CNTNAP2: variants seen among roughly 807,000 people sequenced by gnomAD.
CNTNAP2 encodes contactin associated protein 2.
Under a neutral mutation model 155.2 loss-of-function variants are expected in CNTNAP2, and 98 were observed. That is an observed-to-expected ratio of 0.63 (90% CI 0.54 to 0.75). CNTNAP2 has a LOEUF of 0.75. CNTNAP2 is among the 30% of genes least tolerant of loss of function. The pLI, the probability that CNTNAP2 is intolerant of heterozygous loss-of-function variation, is 0.00. For missense variants in CNTNAP2, 1,727 were observed against 1,688.1 expected (o/e 1.02, Z -0.40); for synonymous variants, 651 against 631.2 (o/e 1.03, Z -0.47).
chr7:148,261,379 C>T (rs749973990), intron 20 of CNTNAP2, among the ~76,000 whole-genome samples: 14 of 152,150 alleles, frequency 9.2e-5, no homozygotes, highest in Non-Finnish European at 1.9e-4. Flanking sequence ...AGGCTGGTCT[C>T]GAACTCCTGA....
chr7:147,911,455 AT>A (rs1201258863), intron 14 of CNTNAP2, among the ~76,000 whole-genome samples: 1 of 152,186 alleles, frequency 6.6e-6, no homozygotes, highest in Non-Finnish European at 1.5e-5. Flanking sequence ...TTCTGGAACC[AT>A]TTGGTCTTTT....
At chr7:147,308,038 T>C (rs989163846) in intron 9 of CNTNAP2, among the ~76,000 whole-genome samples, 1 of 152,144 alleles carries the variant, frequency 6.6e-6, no homozygotes, top group African/African-American at 2.4e-5. Context: ...GGACAGGAAG[T>C]TCTTGGGAGG....
rs556491044 is a variant in CNTNAP2 at position 147,482,837 on chromosome 7, G to A, written c.1671-3098G>A. Among the ~76,000 whole-genome samples the A allele has an allele frequency of 1.4e-3, 214 of 152,150 alleles. 2 individuals carry two copies. The highest frequency in any genetic ancestry group is 4.7e-3 in the African/African-American group (197 of 41,518). ...GAGGTGGGTGAATCACTTGAGGTCC[G>A]GAGTTCGGCACCAGCCTGACCAACA... is the stretch of plus-strand genomic sequence containing the variant. On this transcript the variant is annotated intron_variant, in intron 10 of 23. Coordinates refer to ENST00000361727, the MANE Select transcript of CNTNAP2 (RefSeq NM_014141.6).
intron 11 of CNTNAP2, among the ~76,000 whole-genome samples, chr7:147,505,116 T>C (rs1222513612): frequency 6.6e-6 from 1 of 152,108 alleles, no homozygotes; most frequent in African/African-American, 2.4e-5. Flanking sequence ...GCTGCAAAGC[T>C]CACTCCGGGC....
chr7:147,841,859 T>C (rs1428644304), intron 13 of CNTNAP2, among the ~76,000 whole-genome samples: 1 of 152,146 alleles, frequency 6.6e-6, no homozygotes, highest in Non-Finnish European at 1.5e-5. Flanking sequence ...AAAAATGAAA[T>C]TCCTACTAAT....
intron 9 of CNTNAP2, among the ~76,000 whole-genome samples, chr7:147,354,392 A>T (rs560889685): frequency 1.3e-5 from 2 of 152,152 alleles, no homozygotes; most frequent in Admixed American, 6.5e-5. Context: ...TTAAATAGGG[A>T]ATCCTTTCCC....
chr7:147,546,287 C>T (rs1799729252), intron 11 of CNTNAP2, among the ~76,000 whole-genome samples: 1 of 151,898 alleles, frequency 6.6e-6, no homozygotes, highest in Non-Finnish European at 1.5e-5. Context: ...TTTATGTACA[C>T]ATTATCATGT....
rs1244186584 is a variant in CNTNAP2, at chr7:146,697,002, T to G, written c.98-77269T>G. Among the ~76,000 whole-genome samples, 6 of 152,170 alleles carry G rather than the reference T, an allele frequency of 3.9e-5. No individual in the cohort carries two copies. In the East Asian group the frequency reaches 1.2e-3, roughly 29 times the overall value. ...TATTTTGTGTTGTCAGATGGTGTAA[T>G]TAAAACCAGTTAATTGTTGGTGCTG... On this transcript the variant is annotated intron_variant, in intron 1 of 23. Transcript: ENST00000361727.
intron 3 of CNTNAP2, among the ~76,000 whole-genome samples, chr7:146,992,525 C>T (rs1798227738): frequency 6.6e-6 from 1 of 151,464 alleles, no homozygotes; most frequent in Admixed American, 6.6e-5. Context: ...AGGTTTCCTG[C>T]CTCATAGATT....
In CNTNAP2 at chr7:148,365,921, T is replaced by C. The variant is rs565552315; in HGVS notation, c.3476-17728T>C. ...GCATGTATACATGCGTGTATGCATG[T>C]ATACATGCGTGTATGCATGTATACA... On this transcript the variant is annotated intron_variant, in intron 21 of 23. Coordinates refer to ENST00000361727, the MANE Select transcript of CNTNAP2 (RefSeq NM_014141.6). Among the ~76,000 whole-genome samples, 8 of 8,526 alleles carry C rather than the reference T, an allele frequency of 9.4e-4. 4 individuals are homozygous for C. The highest frequency in any genetic ancestry group is 2.3e-3 in the Non-Finnish European group (4 of 1,776). 5.6% of individuals were successfully genotyped at this position (8,526 alleles called of 152,430 possible).
intron 1 of CNTNAP2, among the ~76,000 whole-genome samples, chr7:146,353,107 T>C (rs1794947188): frequency 6.6e-6 from 1 of 152,148 alleles, no homozygotes; most frequent in South Asian, 2.1e-4. Flanking sequence ...AAAAAAGACA[T>C]GTTAGTACTA....
At chr7:148,194,801 G>A (rs1296142306) in intron 18 of CNTNAP2, among the ~76,000 whole-genome samples, 1 of 152,096 alleles carries the variant, frequency 6.6e-6, no homozygotes, top group East Asian at 1.9e-4. Flanking sequence ...GTTCCATCTG[G>A]CCCCTCAATG....
At chr7:147,125,501 C>A (rs1425109105) in intron 6 of CNTNAP2, among the ~76,000 whole-genome samples, 1 of 152,162 alleles carries the variant, frequency 6.6e-6, no homozygotes, top group Non-Finnish European at 1.5e-5. Context: ...TCAATAAAAA[C>A]CAAAGGGGAG....
Position 147,562,207 on chromosome 7 carries a change from C to T in CNTNAP2, c.1847C>T (p.Pro616Leu). The change falls in exon 12 of 24, where the codon CCT becomes CTT. Residue 616 changes from proline to leucine, a missense_variant. Pro to Leu is a moderately conservative substitution (Grantham distance 98). Coordinates refer to ENST00000361727, the MANE Select transcript of CNTNAP2 (RefSeq NM_014141.6). ...GQTSNYYWID[P>L]DGSGPLGPLK... ...ACATCAAATTATTACTGGATAGATCCTGATGGCAGCGGACCTCTGGGGCCT... is the reference window on the plus strand; with the variant it reads ...ACATCAAATTATTACTGGATAGATCTTGATGGCAGCGGACCTCTGGGGCCT... 2.5e-6 allele frequency: 4 copies of T among 1,614,008 alleles called. No individual in the cohort carries two copies. The Admixed American group carries it at 5.0e-5, about 20-fold the overall frequency.
At chr7:147,033,239 A>G (rs1799078154) in intron 3 of CNTNAP2, among the ~76,000 whole-genome samples, 1 of 139,456 alleles carries the variant, frequency 7.2e-6, no homozygotes, top group African/African-American at 2.6e-5. Flanking sequence ...GTTTGACATG[A>G]TTTTGCAATA....
chr7:147,452,208 A>G (rs1797845340), intron 10 of CNTNAP2, among the ~76,000 whole-genome samples: 1 of 152,236 alleles, frequency 6.6e-6, no homozygotes, highest in African/African-American at 2.4e-5. Flanking sequence ...CTATCTTTAT[A>G]TGAATACACA....
rs909415651 is a variant in CNTNAP2 at position 146,597,303 on chromosome 7, A to G, written c.98-176968A>G. 7.3e-4 allele frequency among the ~76,000 whole-genome samples: 111 copies of G among 152,042 alleles called. 1 individual carries two copies. The highest frequency in any genetic ancestry group is 2.6e-3 in the African/African-American group (106 of 41,420). On this transcript the variant is annotated intron_variant, in intron 1 of 23. Coordinates refer to ENST00000361727, the MANE Select transcript of CNTNAP2 (RefSeq NM_014141.6). ...TTACTATAATACGATCATCTGCTAT[A>G]ATATCCGTGAGCATGTCACCTCTGG...
At chr7:146,337,103 A>G (rs1228551361) in intron 1 of CNTNAP2, among the ~76,000 whole-genome samples, 2 of 152,212 alleles carry the variant, frequency 1.3e-5, no homozygotes, top group Non-Finnish European at 2.9e-5. Context: ...AAATGAATTC[A>G]TGGCAGAAAC....
At chr7:146,936,062 C>T (rs1232151580) in intron 3 of CNTNAP2, among the ~76,000 whole-genome samples, 3 of 152,062 alleles carry the variant, frequency 2.0e-5, no homozygotes, top group Middle Eastern at 3.2e-3. Flanking sequence ...ATGGGAAAAC[C>T]GTAATCTATG....
Sources: gnomAD v4.1 joint callset for allele counts (sites outside exome capture counted in the v4.1 genomes callset) on GRCh38, gnomAD v4.1.1 for gene constraint, MANE v1.5 for transcripts, NCBI Gene and HGNC (gene_info 2026-07-23, HGNC 2026-07-21) for gene names.